Variants in ACTR3C observed in about 807,000 individuals in gnomAD.
The protein encoded by ACTR3C is actin related protein 3C.
Under a neutral mutation model 26.3 loss-of-function variants are expected in ACTR3C, and 18 were observed. The observed-to-expected ratio is 0.68, with a 90% CI of 0.47 to 1.01. The LOEUF is 1.01. Ranked by LOEUF, ACTR3C falls within the 50% of genes least tolerant of loss-of-function variation. The probability of loss-of-function intolerance (pLI) is 0.00; values close to 1 mark genes in which losing one functional copy is unlikely to be tolerated. For synonymous variants in ACTR3C, 55 were observed against 94.5 expected (o/e 0.58, Z 2.42); for missense variants, 184 against 250.7 (o/e 0.73, Z 1.80).
the ACTR3C span, among the ~76,000 whole-genome samples, chr7:150,193,487 T>C: frequency 1.3e-5 from 2 of 151,292 alleles, no homozygotes; most frequent in African/African-American, 4.9e-5. Context: ...GCTTTTCCTC[T>C]TGTTTCTTAA....
the ACTR3C span, among the ~76,000 whole-genome samples, chr7:150,049,403 G>A: frequency 6.6e-6 from 1 of 152,220 alleles, no homozygotes; most frequent in African/African-American, 2.4e-5. Context: ...TCCAGAGGGG[G>A]GAACCTGTGA....
At chr7:150,267,200 G>A (rs10259791) in intron 6 of ACTR3C, among the ~76,000 whole-genome samples, 18,643 of 152,132 alleles carry the variant, frequency 0.12, 1,930 homozygotes, top group African/African-American at 0.26. Flanking sequence ...GAAGGAAGCC[G>A]GAAACAGAGA....
the ACTR3C span, among the ~76,000 whole-genome samples, chr7:150,042,537 CA>C: frequency 1.6e-4 from 24 of 149,552 alleles, no homozygotes; most frequent in Admixed American, 5.3e-4. Context: ...TCCCAAGAGC[CA>C]GGGGGGGAAG....
At chr7:150,037,678 G>A in the ACTR3C span, among the ~76,000 whole-genome samples, 4 of 109,484 alleles carry the variant, frequency 3.7e-5, no homozygotes, top group Non-Finnish European at 5.8e-5. Flanking sequence ...TCCTCCAGGT[G>A]GGTCCTAAGG....
the ACTR3C span, among the ~76,000 whole-genome samples, chr7:150,211,617 G>A: frequency 1.3e-5 from 2 of 149,406 alleles, no homozygotes; most frequent in African/African-American, 2.6e-5. Context: ...TGTAAAGTTG[G>A]AGCTTGACGT....
At chr7:150,067,767 C>G in the ACTR3C span, among the ~76,000 whole-genome samples, 1 of 123,258 alleles carries the variant, frequency 8.1e-6, no homozygotes, top group Non-Finnish European at 1.6e-5. Context: ...CCTGAAAAGG[C>G]TGAATTGCCC....
the ACTR3C span, among the ~76,000 whole-genome samples, chr7:149,932,674 G>A: frequency 6.6e-6 from 1 of 151,262 alleles, no homozygotes; most frequent in East Asian, 2.0e-4. Context: ...CCTGGAGGAA[G>A]GAGGGAGGGA....
intron 1 of ACTR3C, among the ~76,000 whole-genome samples, chr7:150,320,606 T>C (rs989369310): frequency 5.3e-5 from 8 of 152,212 alleles, no homozygotes; most frequent in African/African-American, 1.9e-4. Flanking sequence ...CTACTAAAAA[T>C]ATAAAAATTA....
the ACTR3C span, among the ~76,000 whole-genome samples, chr7:149,965,814 C>T: frequency 4.6e-5 from 7 of 152,140 alleles, no homozygotes; most frequent in African/African-American, 1.4e-4. Context: ...GATCATCTTT[C>T]CCCTACTTAA....
the ACTR3C span, among the ~76,000 whole-genome samples, chr7:150,186,154 G>C: frequency 6.6e-6 from 1 of 152,146 alleles, no homozygotes; most frequent in East Asian, 1.9e-4. Flanking sequence ...GACGTGCATA[G>C]ATAATTCATT....
the ACTR3C span, among the ~76,000 whole-genome samples, chr7:150,049,449 A>G: frequency 1.3e-5 from 2 of 152,208 alleles, no homozygotes; most frequent in East Asian, 1.9e-4. Context: ...CTCCTTCCAC[A>G]TGGAGGTAGG....
the ACTR3C span, among the ~76,000 whole-genome samples, chr7:150,087,182 TA>T: frequency 0.17 from 22,114 of 129,306 alleles, 1,740 homozygotes; most frequent in South Asian, 0.23. Flanking sequence ...TGAATTTGTT[TA>T]AAAAAAAAAA....
the ACTR3C span, among the ~76,000 whole-genome samples, chr7:150,192,908 G>C: frequency 6.6e-6 from 1 of 152,282 alleles, no homozygotes; most frequent in Admixed American, 6.5e-5. Context: ...TTTACTGATT[G>C]TCTTGCACAC....
rs554113664 is a variant in ACTR3C at position 150,312,138 on chromosome 7, G to A, written c.-52+11331C>T. ...GGAAATAACCAATGCCTCCACACCT[G>A]CTAATATTCCAGCCCCCACTCCAGA... On this transcript the variant is annotated intron_variant, in intron 1 of 7. Coordinates refer to ENST00000683684, the MANE Select transcript of ACTR3C (RefSeq NM_001164458.2). Among the ~76,000 whole-genome samples, 11 of 152,228 alleles carry A rather than the reference G, an allele frequency of 7.2e-5. 1 individual carries two copies. The South Asian group carries it at 2.3e-3, about 32-fold the overall frequency.
the ACTR3C span, among the ~76,000 whole-genome samples, chr7:149,904,776 A>G: frequency 2.6e-5 from 4 of 151,472 alleles, no homozygotes; most frequent in Non-Finnish European, 5.9e-5. Flanking sequence ...CAGGAGGATC[A>G]TGAGGTCAGG....
the ACTR3C span, among the ~76,000 whole-genome samples, chr7:149,906,931 A>G: frequency 7.2e-5 from 1 of 13,882 alleles, no homozygotes; most frequent in African/African-American, 3.4e-4. Flanking sequence ...CAGGACCACC[A>G]ATATCCTCCA....
the ACTR3C span, among the ~76,000 whole-genome samples, chr7:149,987,916 T>C: frequency 7.2e-5 from 11 of 152,302 alleles, no homozygotes; most frequent in East Asian, 1.9e-3. Flanking sequence ...TAAAAGCTTT[T>C]TTAAAAAAGA....
the ACTR3C span, among the ~76,000 whole-genome samples, chr7:150,064,102 C>T: frequency 6.6e-5 from 10 of 152,052 alleles, 1 homozygote; most frequent in Admixed American, 5.9e-4. Context: ...TGCCTGTGCA[C>T]CATCTAAGCT....
At chr7:150,042,090 G>GCAC in the ACTR3C span, among the ~76,000 whole-genome samples, 16 of 76,202 alleles carry the variant, frequency 2.1e-4, 1 homozygote, top group African/African-American at 4.1e-4. Context: ...CTCAGTCCCT[G>GCAC]CCTCGCGGGG....
Sources: allele counts gnomAD v4.1 joint callset (sites outside exome capture counted in the v4.1 genomes callset), GRCh38; gene constraint gnomAD v4.1.1; transcripts MANE v1.5; gene names NCBI Gene and HGNC (gene_info 2026-07-23, HGNC 2026-07-21).